TACC3: variants seen among roughly 807,000 people sequenced by gnomAD.
TACC3 encodes the protein transforming acidic coiled-coil-containing protein 3.
A neutral mutation model predicts 86.0 loss-of-function variants in TACC3; 52 were observed. The observed-to-expected ratio is 0.60, with a 90% CI of 0.48 to 0.76. The LOEUF (loss-of-function observed/expected upper bound fraction) is 0.76, where lower values mean the gene tolerates loss of function less well. TACC3 is among the 30% of genes least tolerant of loss of function. The pLI is 0.00. For synonymous variants in TACC3, 512 were observed against 430.0 expected, an observed-to-expected ratio of 1.19 and a Z score of -2.36; for missense variants, 1,120 against 1,070.4, an observed-to-expected ratio of 1.05 and a Z score of -0.65.
chr4:1,737,990 A>T (rs1718376561), intron 10 of TACC3: 1 of 504,508 alleles, frequency 2.0e-6, no homozygotes, highest in African/African-American at 1.9e-5. Flanking sequence ...TGCAGCAGTG[A>T]GTGTGGTTCT....
At chr4:1,737,916 G>C in intron 10 of TACC3, 1 of 668,736 alleles carries the variant, frequency 1.5e-6, no homozygotes, top group South Asian at 1.5e-5. Context: ...CCCGCAGTCA[G>C]CTGCCCACCA....
chr4:1,744,837 G>A lies in TACC3; in HGVS notation c.2451+5G>A. On this transcript the variant is annotated splice_donor_5th_base_variant and intron_variant, in intron 15 of 15. Coordinates refer to ENST00000313288, the MANE Select transcript of TACC3 (RefSeq NM_006342.3). The stretch of plus-strand genomic sequence containing the variant: ...GAGAAGACAGTGGAGCAGAAGGTGG[G>A]TGCGGGAAGCCCAGCTCAAGGGGCC... 3 of 1,612,986 alleles carry A rather than the reference G, an allele frequency of 1.9e-6. No individual in the cohort carries two copies. Among genetic ancestry groups the A allele is most frequent in the Non-Finnish European group, 2.5e-6 (3 of 1,180,026 alleles).
At position 1,745,146 on chromosome 4, in the gene TACC3, C is replaced by A. The variant is rs2108726483; in HGVS notation, c.*133C>A. 3.1e-6 allele frequency: 3 copies of A among 972,618 alleles called. No individual in the cohort carries two copies. Among genetic ancestry groups the A allele is most frequent in the Non-Finnish European group, 3.0e-6 (2 of 664,388 alleles). 60.2% of individuals were successfully genotyped at this position (972,618 alleles called of 1,614,324 possible). A position where few individuals can be genotyped will look rare whatever the true frequency, so the allele number is the denominator to read the frequency against. Reference sequence around the variant, plus strand: ...ACTAGATTGCTTTGAAAACATGACTCAATAAAAGTTTCCTTTCAATTTAAA... The same window carrying A: ...ACTAGATTGCTTTGAAAACATGACTAAATAAAAGTTTCCTTTCAATTTAAA... On this transcript the variant is annotated 3_prime_UTR_variant, in exon 16 of 16. Transcript: ENST00000313288.
At chr4:1,734,256 C>T (rs1718146997) in intron 6 of TACC3, among the ~76,000 whole-genome samples, 1 of 152,088 alleles carries the variant, frequency 6.6e-6, no homozygotes, top group South Asian at 2.1e-4. Context: ...AGCATGATCT[C>T]AGCTTGTTGC....
intron 10 of TACC3, among the ~76,000 whole-genome samples, chr4:1,738,596 C>T (rs1718407108): frequency 6.6e-6 from 1 of 152,254 alleles, no homozygotes; most frequent in Non-Finnish European, 1.5e-5. Flanking sequence ...CATTAATTTT[C>T]TCAGCAAGGC....
intron 6 of TACC3, among the ~76,000 whole-genome samples, chr4:1,733,643 G>A (rs533476186): frequency 6.6e-6 from 1 of 152,210 alleles, no homozygotes; most frequent in Admixed American, 6.5e-5. Context: ...GGGCGACAGC[G>A]AGACCCTATC....
chr4:1,727,599 A>T, intron 3 of TACC3, 109 bp from the exon 4 acceptor site: 1 of 1,498,270 alleles, frequency 6.7e-7, no homozygotes, highest in Non-Finnish European at 8.9e-7. Context: ...AGGGTGACTC[A>T]GCCCTGCTTC....
chr4:1,740,747 C>A, intron 12 of TACC3, 79 bp from the exon 13 acceptor site: 1 of 1,362,966 alleles, frequency 7.3e-7, no homozygotes, highest in Non-Finnish European at 1.0e-6. Flanking sequence ...GAGTCCCTTG[C>A]CTCATTCCTT....
intron 10 of TACC3, 119 bp from the exon 11 acceptor site, chr4:1,739,583 C>T (rs1718463723): frequency 9.7e-6 from 9 of 929,374 alleles, no homozygotes; most frequent in Admixed American, 2.4e-5. Flanking sequence ...CCACATGGAA[C>T]TGTGCCTCTG....
In TACC3 at chr4:1,745,049, C is replaced by G; in HGVS notation, c.*36C>G. 6.3e-7 allele frequency: 1 copy of G among 1,576,548 alleles called. No individual in the cohort carries two copies. Among genetic ancestry groups the G allele is most frequent in the Non-Finnish European group, 8.6e-7 (1 of 1,160,478 alleles). On this transcript the variant is annotated 3_prime_UTR_variant, in exon 16 of 16. Coordinates refer to ENST00000313288, the MANE Select transcript of TACC3 (RefSeq NM_006342.3). ...GCCGCTGTCCCCGCCCCCCTGCTCC[C>G]GTCTGTCTGTCCTGTCTGATTCTCT...
chr4:1,741,003 C>A lies in TACC3; in HGVS notation c.2223+17C>A. 6.3e-7 allele frequency: 1 copy of A among 1,591,558 alleles called. No individual in the cohort carries two copies. Among genetic ancestry groups the A allele is most frequent in the South Asian group, 1.1e-5 (1 of 87,600 alleles). On this transcript the variant is annotated intron_variant, in intron 13 of 15. Transcript: ENST00000313288. ...TACCGCAAGGTATGTCTCCGCCACC[C>A]TGGTGTCCTCACCTCGGAGGCTGAT...
At chr4:1,740,456 G>A (rs572492441) in intron 12 of TACC3, 110 of 302,624 alleles carry the variant, frequency 3.6e-4, no homozygotes, top group African/African-American at 1.7e-3. Context: ...GTCAGCCGGC[G>A]GCAGGTGACC....
chr4:1,743,468 G>A (rs565590572), intron 13 of TACC3, among the ~76,000 whole-genome samples: 1 of 151,946 alleles, frequency 6.6e-6, no homozygotes, highest in African/African-American at 2.4e-5. Flanking sequence ...CAGGAGAATC[G>A]CTTGAATCCG....
intron 3 of TACC3, among the ~76,000 whole-genome samples, chr4:1,726,807 G>A (rs1577208128): frequency 6.6e-6 from 1 of 152,216 alleles, no homozygotes; most frequent in Admixed American, 6.5e-5. Flanking sequence ...GTATGCTGGT[G>A]GGCAGGTGCT....
At position 1,739,999 on chromosome 4, in the gene TACC3, A is replaced by G. The variant is rs751539265; in HGVS notation, c.2059A>G (p.Met687Val). 2 of 1,612,974 alleles carry G rather than the reference A, an allele frequency of 1.2e-6. No homozygotes were observed. The highest frequency in any genetic ancestry group is 1.1e-5 in the South Asian group (1 of 91,078). Residue 687 changes from methionine to valine, a missense_variant, in exon 12 of 16, where the codon ATG (methionine) becomes GTG (valine). Coordinates refer to ENST00000313288, the MANE Select transcript of TACC3 (RefSeq NM_006342.3). ...DRFEEVVYQA[M>V]EEVQKQKELS... The stretch of plus-strand genomic sequence containing the variant: ...GTTCGAAGAGGTTGTGTACCAGGCC[A>G]TGGGTGAGTGCCCGGGCCACCGAGG...
chr4:1,742,317 C>G (rs1312301811), intron 13 of TACC3, among the ~76,000 whole-genome samples: 2 of 152,216 alleles, frequency 1.3e-5, no homozygotes, highest in Non-Finnish European at 2.9e-5. Flanking sequence ...GAGGACACAG[C>G]GGCTTTGCTG....
rs532580351 is a variant in TACC3 at position 1,745,166 on chromosome 4, T to A, written c.*153T>A. 1.9e-5 allele frequency: 16 copies of A among 859,970 alleles called. No individual in the cohort carries two copies. Among genetic ancestry groups the A allele is most frequent in the Non-Finnish European group, 2.8e-5 (16 of 567,032 alleles). The allele number at this position is 859,970 out of a possible 1,614,324, so 53.3% of individuals were successfully genotyped here. A position where few individuals can be genotyped will look rare whatever the true frequency, so the allele number is the denominator to read the frequency against. ...TGACTCAATAAAAGTTTCCTTTCAATTTAAACACTGAAGCCGCTCTGGTCT... is the reference window on the plus strand; with the variant it reads ...TGACTCAATAAAAGTTTCCTTTCAAATTAAACACTGAAGCCGCTCTGGTCT... On this transcript the variant is annotated 3_prime_UTR_variant, in exon 16 of 16. Transcript: ENST00000313288.
Position 1,728,453 on chromosome 4 carries a change from G to A in TACC3, c.1051G>A (p.Ala351Thr), listed in dbSNP as rs773410489. The change falls in exon 4 of 16, where the codon GCA becomes ACA. Residue 351 changes from alanine (A) to threonine (T), a missense_variant. Coordinates refer to ENST00000313288, the MANE Select transcript of TACC3 (RefSeq NM_006342.3). Reference protein sequence around the residue: ...DVSDGATSKRAPPPRRLGERS... With the variant: ...DVSDGATSKRTPPPRRLGERS... Reference sequence around the variant, plus strand: ...ATCTGATGGCGCCACCAGCAAAAGGGCACCCCCACCAAGGAGACTGGGAGA... The same window carrying A: ...ATCTGATGGCGCCACCAGCAAAAGGACACCCCCACCAAGGAGACTGGGAGA... 1.1e-5 allele frequency: 17 copies of A among 1,613,656 alleles called. No homozygotes were observed. The highest frequency in any genetic ancestry group is 1.7e-6 in the Non-Finnish European group (2 of 1,180,000).
At chr4:1,733,914 G>A (rs1718125150) in intron 6 of TACC3, among the ~76,000 whole-genome samples, 2 of 151,266 alleles carry the variant, frequency 1.3e-5, no homozygotes, top group South Asian at 4.2e-4. Flanking sequence ...GGAGGCGGAG[G>A]TTGCAGTGAG....
Sources: gnomAD v4.1 joint callset for allele counts (sites outside exome capture counted in the v4.1 genomes callset) on GRCh38, gnomAD v4.1.1 for gene constraint, MANE v1.5 for transcripts, NCBI Gene and HGNC (gene_info 2026-07-23, HGNC 2026-07-21) for gene names.